Variants in HYDIN observed in about 807,000 individuals in gnomAD.
HYDIN encodes HYDIN axonemal central pair apparatus protein, also known as axonemal central pair apparatus protein HYDIN.
In HYDIN, 132 loss-of-function variants were observed where a neutral mutation model predicts 403.9. That is an observed-to-expected ratio of 0.33 (90% CI 0.28 to 0.38). HYDIN has a LOEUF of 0.38. Ranked by LOEUF, HYDIN falls within the 10% of genes least tolerant of loss-of-function variation. HYDIN has a pLI of 1.00. For synonymous variants in HYDIN, 1,202 were observed against 1,891.7 expected (o/e 0.64, Z 9.46); for missense variants, 2,827 against 5,009.5 (o/e 0.56, Z 13.15).
At chr16:71,136,474 G>C (rs2084922181) in intron 8 of HYDIN, among the ~76,000 whole-genome samples, 1 of 151,808 alleles carries the variant, frequency 6.6e-6, no homozygotes, top group South Asian at 2.1e-4. Flanking sequence ...TATAAAAGCT[G>C]ATCAACCTGG....
Position 71,220,895 on chromosome 16 carries a change from T to C in HYDIN, c.-24+9667A>G, listed in dbSNP as rs753650269. Among the ~76,000 whole-genome samples, 4 of 152,250 alleles carry C rather than the reference T, an allele frequency of 2.6e-5. No homozygotes were observed. The East Asian group carries it at 5.8e-4, about 22-fold the overall frequency. The stretch of plus-strand genomic sequence containing the variant: ...TCCTGCTGAAAACAACTAAAAATGC[T>C]GGCTAAAATATTTTTTCAGCTTCTC... On this transcript the variant is annotated intron_variant, in intron 1 of 85. Coordinates refer to ENST00000393567, the MANE Select transcript of HYDIN (RefSeq NM_001270974.2).
Position 71,175,706 on chromosome 16 carries a change from C to A in HYDIN, c.417G>T (p.Ser139=). 1.2e-6 allele frequency: 2 copies of A among 1,614,112 alleles called. 1 individual carries two copies. The highest frequency in any genetic ancestry group is 2.2e-5 in the South Asian group (2 of 91,086). ...PRLVKVVEES[S]PYFKVISPKD... is the part of the protein sequence containing the mutation. ...TGGGGCTGATTACTTTAAAGTAAGGCGAACTTTCTTCCACAACTTTCACCA... is the reference window on the plus strand; with the variant it reads ...TGGGGCTGATTACTTTAAAGTAAGGAGAACTTTCTTCCACAACTTTCACCA... The change falls in exon 5 of 86, where the codon TCG becomes TCT. Residue 139 remains serine, a synonymous_variant. Transcript: ENST00000393567.
At chr16:70,938,190 C>T (rs1201706392) in intron 44 of HYDIN, among the ~76,000 whole-genome samples, 6 of 152,254 alleles carry the variant, frequency 3.9e-5, no homozygotes, top group African/African-American at 1.4e-4. Context: ...GGAGCAGTCA[C>T]TATGCCCAGG....
chr16:71,202,263 T>C (rs766264167), intron 1 of HYDIN, among the ~76,000 whole-genome samples: 7 of 152,220 alleles, frequency 4.6e-5, no homozygotes, highest in Admixed American at 6.5e-5. Flanking sequence ...TAATCTATTT[T>C]ATAAGATTCT....
chr16:71,175,513 C>CACG (rs2144639570), intron 5 of HYDIN, 94 bp downstream of exon 5: 1 of 1,313,072 alleles, frequency 7.6e-7, no homozygotes, highest in Non-Finnish European at 1.1e-6. Context: ...CCACCACCAC[C>CACG]ACCACCACCA....
At chr16:71,027,197 A>G in intron 20 of HYDIN, 4 of 1,088,012 alleles carry the variant, frequency 3.7e-6, no homozygotes, top group Non-Finnish European at 4.5e-6. Flanking sequence ...AGAAAGGAAC[A>G]GGGATGTCCC....
intron 75 of HYDIN, among the ~76,000 whole-genome samples, chr16:70,843,026 T>C (rs1451237785): frequency 1.3e-5 from 2 of 150,810 alleles, no homozygotes; most frequent in Non-Finnish European, 3.0e-5. Flanking sequence ...TACATAAATT[T>C]ATTTATTTAT....
At chr16:71,225,034 G>A (rs236006) in intron 1 of HYDIN, among the ~76,000 whole-genome samples, 19,245 of 152,172 alleles carry the variant, frequency 0.13, 1,589 homozygotes, top group Middle Eastern at 0.23. Flanking sequence ...GGTAAGAGGA[G>A]GCACCAACAG....
chr16:71,226,498 G>C (rs1279603724), intron 1 of HYDIN, among the ~76,000 whole-genome samples: 1 of 152,160 alleles, frequency 6.6e-6, no homozygotes, highest in African/African-American at 2.4e-5. Context: ...AAACATTGAG[G>C]AAAATCTTGT....
intron 75 of HYDIN, among the ~76,000 whole-genome samples, chr16:70,849,032 G>T (rs979805016): frequency 6.6e-6 from 1 of 152,198 alleles, no homozygotes; most frequent in East Asian, 1.9e-4. Flanking sequence ...TCCCTATGAG[G>T]GGGGGTTCCA....
At chr16:71,170,827 T>C (rs2086431850) in intron 5 of HYDIN, among the ~76,000 whole-genome samples, 1 of 152,134 alleles carries the variant, frequency 6.6e-6, no homozygotes, top group Non-Finnish European at 1.5e-5. Flanking sequence ...TGAAATTACA[T>C]GCTGTATGGG....
intron 1 of HYDIN, among the ~76,000 whole-genome samples, chr16:71,190,172 C>T (rs915922499): frequency 3.9e-5 from 6 of 152,144 alleles, no homozygotes; most frequent in Admixed American, 6.5e-5. Flanking sequence ...ACAGAAATCA[C>T]AACTCCTTGG....
At chr16:71,119,958 T>C (rs2084194656) in intron 9 of HYDIN, among the ~76,000 whole-genome samples, 1 of 150,794 alleles carries the variant, frequency 6.6e-6, no homozygotes, top group Admixed American at 6.6e-5. Flanking sequence ...CTTTCTTTCT[T>C]TATTACTCAG....
intron 45 of HYDIN, among the ~76,000 whole-genome samples, chr16:70,923,086 A>G (rs1406430290): frequency 6.6e-6 from 1 of 151,560 alleles, no homozygotes; most frequent in Non-Finnish European, 1.5e-5. Flanking sequence ...AACTTTTCAT[A>G]AATTGCAAAA....
intron 1 of HYDIN, among the ~76,000 whole-genome samples, chr16:71,199,227 TA>T (rs2087862360): frequency 6.6e-6 from 1 of 152,240 alleles, no homozygotes; most frequent in Non-Finnish European, 1.5e-5. Flanking sequence ...ATATTTTAAA[TA>T]GAAGCCCTTT....
intron 23 of HYDIN, among the ~76,000 whole-genome samples, chr16:70,995,832 C>A (rs1458021077): frequency 6.6e-6 from 1 of 152,060 alleles, no homozygotes; most frequent in Non-Finnish European, 1.5e-5. Context: ...AGGATGAAAT[C>A]AGCTGGACAA....
At chr16:71,077,959 A>G (rs2082668741) in intron 13 of HYDIN, among the ~76,000 whole-genome samples, 1 of 151,688 alleles carries the variant, frequency 6.6e-6, no homozygotes. Context: ...CTGAGATGAT[A>G]TAAATTGTGG....
intron 1 of HYDIN, chr16:71,203,782 G>T (rs1160253548): frequency 2.2e-6 from 1 of 455,910 alleles, no homozygotes; most frequent in Non-Finnish European, 4.4e-6. Flanking sequence ...CAGAATGTGT[G>T]AGTCCAGAAC....
intron 53 of HYDIN, among the ~76,000 whole-genome samples, chr16:70,896,631 T>C (rs1376413133): frequency 3.3e-5 from 5 of 150,078 alleles, no homozygotes; most frequent in Non-Finnish European, 5.9e-5. Context: ...GTTGGGGTTA[T>C]AGATGTGAGC....
Sources: allele counts gnomAD v4.1 joint callset (sites outside exome capture counted in the v4.1 genomes callset), GRCh38; gene constraint gnomAD v4.1.1; transcripts MANE v1.5; gene names NCBI Gene and HGNC (gene_info 2026-07-23, HGNC 2026-07-21).